Variants in CD163L1 observed in about 807,000 individuals in gnomAD.
CD163L1 encodes scavenger receptor cysteine-rich type 1 protein M160.
In CD163L1, 124 loss-of-function variants were observed where a neutral mutation model predicts 165.4. That is an observed-to-expected ratio of 0.75 (90% CI 0.65 to 0.87). The LOEUF (loss-of-function observed/expected upper bound fraction) is 0.87, where lower values mean the gene tolerates loss of function less well. Ranked by LOEUF, CD163L1 falls within the 40% of genes least tolerant of loss-of-function variation. CD163L1 has a pLI of 0.00. For missense variants in CD163L1, 1,525 were observed against 1,799.9 expected, an observed-to-expected ratio of 0.85 and a Z score of 2.76; for synonymous variants, 585 against 662.2, an observed-to-expected ratio of 0.88 and a Z score of 1.79.
At chr12:7,439,106 C>T in intron 2 of CD163L1, 1 of 1,573,668 alleles carries the variant, frequency 6.4e-7, no homozygotes, top group Non-Finnish European at 8.6e-7. Flanking sequence ...TGCTCTCTCT[C>T]TTGCACTTTT....
rs1475196706 is a variant in CD163L1, at chr12:7,368,969, A to G, written c.4040-4T>C. On this transcript the variant is annotated splice_polypyrimidine_tract_variant and splice_region_variant and intron_variant, in intron 15 of 19. Transcript: ENST00000313599. This position sits in a 1 kb window ranked among gnomAD's most constrained non-coding sequence, Gnocchi z 4.3. ...TTCAGTGATTTCAGCGACTGTCCTGAGAGAGAGAGAGAGAGAGAGAGACGT... is the reference window on the plus strand; with the variant it reads ...TTCAGTGATTTCAGCGACTGTCCTGGGAGAGAGAGAGAGAGAGAGAGACGT... 2.7e-6 allele frequency: 1 copy of G among 371,240 alleles called. No homozygotes were observed. The highest frequency in any genetic ancestry group is 3.9e-6 in the Non-Finnish European group (1 of 255,874). The allele number at this position is 371,240 out of a possible 1,614,324, so 23.0% of individuals were successfully genotyped here. A position where few individuals can be genotyped will look rare whatever the true frequency, so the allele number is the denominator to read the frequency against.
the CD163L1 span, among the ~76,000 whole-genome samples, chr12:7,340,378 T>C: frequency 1.3e-5 from 2 of 152,158 alleles, no homozygotes; most frequent in Non-Finnish European, 2.9e-5. Flanking sequence ...TAAAAGTATA[T>C]GATGATTTCA....
chr12:7,352,015 A>G (rs1198725477), downstream of CD163L1, among the ~76,000 whole-genome samples: 2 of 152,178 alleles, frequency 1.3e-5, no homozygotes, highest in East Asian at 1.9e-4. Flanking sequence ...AAGAAGAAAA[A>G]GCTCTTACTG....
downstream of CD163L1, among the ~76,000 whole-genome samples, chr12:7,354,096 C>T (rs1420814383): frequency 6.6e-6 from 1 of 151,976 alleles, no homozygotes. Flanking sequence ...ACTAAAGTCT[C>T]CTGATTTTTA....
At chr12:7,348,352 G>C (rs1025569302) in intron 4 of CD163L1, among the ~76,000 whole-genome samples, 1 of 152,168 alleles carries the variant, frequency 6.6e-6, no homozygotes, top group African/African-American at 2.4e-5. Context: ...CACAGACCTA[G>C]CTAAAAATCT....
Position 7,368,850 on chromosome 12 carries a change from T to C in CD163L1, c.4072+83A>G. 6.8e-7 allele frequency: 1 copy of C among 1,466,276 alleles called. No individual in the cohort carries two copies. Among genetic ancestry groups the C allele is most frequent in the South Asian group, 1.1e-5 (1 of 87,388 alleles). The allele number at this position is 1,466,276 out of a possible 1,614,324, so 90.8% of individuals were successfully genotyped here. ...TTCTGCAGTCCCCAGTCTTCTTTGA[T>C]TATCATAGCAGTTTCTGCCCTCCCT... is the stretch of plus-strand genomic sequence containing the variant. On this transcript the variant is annotated intron_variant, in intron 16 of 19. Transcript: ENST00000313599. This position sits in a 1 kb window ranked among gnomAD's most constrained non-coding sequence, Gnocchi z 4.3.
At chr12:7,348,208 T>C (rs1430749334) in intron 4 of CD163L1, among the ~76,000 whole-genome samples, 1 of 152,208 alleles carries the variant, frequency 6.6e-6, no homozygotes, top group Non-Finnish European at 1.5e-5. Flanking sequence ...GTGTCAATCA[T>C]CTGCAACCAC....
intron 2 of CD163L1, chr12:7,440,074 A>T (rs926030638): frequency 2.9e-6 from 3 of 1,037,340 alleles, no homozygotes; most frequent in Non-Finnish European, 4.4e-6. Context: ...GCCCTACTCC[A>T]CATCAGCGGC....
In CD163L1 at chr12:7,369,754, G is replaced by T; in HGVS notation, c.3731-89C>A. 2 of 1,174,602 alleles carry T rather than the reference G, an allele frequency of 1.7e-6. No individual in the cohort carries two copies. Among genetic ancestry groups the T allele is most frequent in the Non-Finnish European group, 1.2e-6 (1 of 815,068 alleles). 72.8% of individuals were successfully genotyped at this position (1,174,602 alleles called of 1,614,324 possible). ...AGAAAAACTTGAAAGTAGCAAATGT[G>T]CTTGATGAATATGGGTGTGGTAAGG... On this transcript the variant is annotated intron_variant, in intron 14 of 19. Transcript: ENST00000313599. The surrounding 1 kb of genome is among the most constrained non-coding windows in gnomAD (Gnocchi z 4.9).
rs1555202301 is a variant in CD163L1 at position 7,421,442 on chromosome 12, T to TATACATATATGTACATATATACATATAC, written c.766+10973_766+10974insGTATATGTATATATGTACATATATGTAT. Among the ~76,000 whole-genome samples the TATACATATATGTACATATATACATATAC allele has an allele frequency of 2.1e-3, 257 of 124,738 alleles. 21 individuals are homozygous for TATACATATATGTACATATATACATATAC. Among genetic ancestry groups the TATACATATATGTACATATATACATATAC allele is most frequent in the Non-Finnish European group, 3.1e-3 (197 of 62,830 alleles). The allele number at this position is 124,738 out of a possible 152,430, so 81.8% of individuals were successfully genotyped here. On this transcript the variant is annotated intron_variant, in intron 4 of 19. Coordinates refer to ENST00000313599, the MANE Select transcript of CD163L1 (RefSeq NM_174941.6). ...ATATACATATATGTACATATATACA[T>TATACATATATGTACATATATACATATAC]ATACATATATGTACATATATACATA...
chr12:7,409,395 C>T (rs778296797), intron 4 of CD163L1, among the ~76,000 whole-genome samples: 56 of 151,976 alleles, frequency 3.7e-4, no homozygotes, highest in Admixed American at 1.7e-3. Flanking sequence ...AATTTTTCCA[C>T]GGGGGTCGGG....
At chr12:7,407,231 T>C (rs1306124430) in intron 4 of CD163L1, among the ~76,000 whole-genome samples, 1 of 152,140 alleles carries the variant, frequency 6.6e-6, no homozygotes, top group African/African-American at 2.4e-5. Flanking sequence ...TTAATAACTG[T>C]GTATAAGCAG....
At chr12:7,402,720 C>T (rs973761660) in intron 6 of CD163L1, among the ~76,000 whole-genome samples, 14 of 151,818 alleles carry the variant, frequency 9.2e-5, no homozygotes, top group African/African-American at 3.1e-4. Flanking sequence ...ACTGCAGCCT[C>T]GAATTTCTGG....
chr12:7,346,836 T>G (rs1946673741), exon 5 of CD163L1: 1 of 152,164 alleles, frequency 6.6e-6, no homozygotes, highest in Non-Finnish European at 1.5e-5. Flanking sequence ...AAACCGTATC[T>G]TCCATGAACA....
chr12:7,342,633 C>A (rs1175535970), downstream of CD163L1, among the ~76,000 whole-genome samples: 1 of 152,126 alleles, frequency 6.6e-6, no homozygotes, highest in African/African-American at 2.4e-5. Context: ...ATACAGGTTG[C>A]ATTTTCCTCC....
chr12:7,339,110 GA>G, the CD163L1 span, among the ~76,000 whole-genome samples: 2 of 152,130 alleles, frequency 1.3e-5, no homozygotes, highest in African/African-American at 4.8e-5. Context: ...TGAGAAACAA[GA>G]AAATAATGCT....
At chr12:7,339,416 C>G in the CD163L1 span, among the ~76,000 whole-genome samples, 5 of 152,082 alleles carry the variant, frequency 3.3e-5, no homozygotes, top group Non-Finnish European at 5.9e-5. Flanking sequence ...TGCAGGTATT[C>G]TCTGCATAAC....
In CD163L1 at chr12:7,375,548, G is replaced by T; in HGVS notation, c.2734C>A (p.Gln912Lys). 1 of 1,613,630 alleles carries T rather than the reference G, an allele frequency of 6.2e-7. No homozygotes were observed. Reference protein sequence around the residue: ...LVNGKSQCDGQVEINVLGHWG... With the variant: ...LVNGKSQCDGKVEINVLGHWG... ...TGTCCAAGCACGTTGATCTCCACTT[G>T]CCCGTCACACTGGGATTTGCCATTC... The change falls in exon 11 of 20, where the codon CAA (glutamine) becomes AAA (lysine). Residue 912 changes from glutamine to lysine, a missense_variant. Coordinates refer to ENST00000313599, the MANE Select transcript of CD163L1 (RefSeq NM_174941.6).
chr12:7,416,127 G>A (rs1009431307), intron 4 of CD163L1, among the ~76,000 whole-genome samples: 4 of 152,068 alleles, frequency 2.6e-5, no homozygotes, highest in Non-Finnish European at 5.9e-5. Flanking sequence ...TCTAACTAGC[G>A]TGAAATGTAT....
Sources: allele counts gnomAD v4.1 joint callset (sites outside exome capture counted in the v4.1 genomes callset), GRCh38; gene constraint gnomAD v4.1.1; non-coding constraint Gnocchi (gnomAD v3.1); transcripts MANE v1.5; gene names NCBI Gene and HGNC (gene_info 2026-07-23, HGNC 2026-07-21).